ERGIC1: variants seen among roughly 807,000 people sequenced by gnomAD.
ERGIC1 encodes the protein endoplasmic reticulum-Golgi intermediate compartment protein 1.
Under a neutral mutation model 38.3 loss-of-function variants are expected in ERGIC1, and 19 were observed. That is an observed-to-expected ratio of 0.50 (90% CI 0.35 to 0.73). The LOEUF is 0.73. Among genes scored for constraint, ERGIC1 ranks in the 30% least tolerant of loss-of-function variants. ERGIC1 has a pLI of 0.01. For missense variants in ERGIC1, 294 were observed against 389.2 expected, an observed-to-expected ratio of 0.76 and a Z score of 2.06; for synonymous variants, 124 against 157.6, an observed-to-expected ratio of 0.79 and a Z score of 1.60.
At chr5:172,914,254 A>AAAAAAAAAAAAT (rs796565475) in intron 4 of ERGIC1, among the ~76,000 whole-genome samples, 38 of 131,216 alleles carry the variant, frequency 2.9e-4, no homozygotes, top group South Asian at 4.7e-4. Context: ...AAAAAAAAAA[A>AAAAAAAAAAAAT]AAATACAAAG....
intron 1 of ERGIC1, among the ~76,000 whole-genome samples, chr5:172,882,466 C>T (rs1177085286): frequency 6.6e-6 from 1 of 152,170 alleles, no homozygotes; most frequent in African/African-American, 2.4e-5. Flanking sequence ...GAGCTCTAAA[C>T]TGGTGATTCC....
rs1763694527 is a variant in ERGIC1, at chr5:172,927,990, A to G, written c.541+1421A>G. Among the ~76,000 whole-genome samples the G allele has an allele frequency of 1.3e-5, 2 of 152,098 alleles. 1 individual carries two copies. The highest frequency in any genetic ancestry group is 4.1e-4 in the South Asian group (2 of 4,826). ...GGTTCCCATTCATGCTGCCTCCAGC[A>G]ACGGATAAGTATACGGCAGCACCTC... On this transcript the variant is annotated intron_variant, in intron 7 of 9. Coordinates refer to ENST00000393784, the MANE Select transcript of ERGIC1 (RefSeq NM_001031711.3).
At chr5:172,887,229 C>T (rs1762444955) in intron 1 of ERGIC1, among the ~76,000 whole-genome samples, 1 of 152,176 alleles carries the variant, frequency 6.6e-6, no homozygotes. Flanking sequence ...GCCTGTCACC[C>T]CCAAGGGCTG....
Position 172,847,365 on chromosome 5 carries a change from A to G in ERGIC1, c.20+12932A>G, listed in dbSNP as rs144393774. Among the ~76,000 whole-genome samples the G allele has an allele frequency of 1.7e-3, 265 of 152,300 alleles. 3 individuals carry two copies. Among genetic ancestry groups the G allele is most frequent in the Non-Finnish European group, 2.7e-3 (187 of 68,020 alleles). Reference sequence around the variant, plus strand: ...ACAGTCTAGCAGTGTGCCCAGAGGAAGAGGAAAGAAAGTGCTTTCATGAGC... The same window carrying G: ...ACAGTCTAGCAGTGTGCCCAGAGGAGGAGGAAAGAAAGTGCTTTCATGAGC... On this transcript the variant is annotated intron_variant, in intron 1 of 9. Transcript: ENST00000393784.
chr5:172,900,074 C>G (rs1202462248), intron 3 of ERGIC1, among the ~76,000 whole-genome samples: 2 of 152,224 alleles, frequency 1.3e-5, no homozygotes, highest in African/African-American at 4.8e-5. Flanking sequence ...TTGCCTGCTG[C>G]TGACAGCGTG....
rs114537920 is a variant in ERGIC1, at chr5:172,863,994, G to C, written c.21-24705G>C. Among the ~76,000 whole-genome samples, 653 of 152,270 alleles carry C rather than the reference G, an allele frequency of 4.3e-3. 3 individuals are homozygous for C. The highest frequency in any genetic ancestry group is 0.015 in the African/African-American group (619 of 41,552). ...GCGGATCACTTGCGGTCAGGAGGTT[G>C]AGACTAGCGTGACCAACATGCTGAA... On this transcript the variant is annotated intron_variant, in intron 1 of 9. Coordinates refer to ENST00000393784, the MANE Select transcript of ERGIC1 (RefSeq NM_001031711.3).
intron 2 of ERGIC1, among the ~76,000 whole-genome samples, chr5:172,892,062 GTTTTTTTTTTTTTTT>G (rs573472747): frequency 1.1e-5 from 1 of 90,228 alleles, no homozygotes; most frequent in Admixed American, 1.2e-4. Context: ...TAAAGAGTAT[GTTTTTTTTTTTTTTT>G]TTTTTTTTTG....
At chr5:172,887,327 C>T (rs76645352) in intron 1 of ERGIC1, among the ~76,000 whole-genome samples, 7,122 of 152,266 alleles carry the variant, frequency 0.047, 506 homozygotes, top group African/African-American at 0.16. Flanking sequence ...TCAAACTCTG[C>T]TGTGGGAGAA....
chr5:172,840,437 G>A (rs997479326), intron 1 of ERGIC1, among the ~76,000 whole-genome samples: 2 of 152,144 alleles, frequency 1.3e-5, no homozygotes, highest in East Asian at 1.9e-4. Context: ...AGGCTTACCC[G>A]GTACATCTAA....
At chr5:172,887,946 G>C (rs950856821) in intron 1 of ERGIC1, among the ~76,000 whole-genome samples, 1 of 152,200 alleles carries the variant, frequency 6.6e-6, no homozygotes, top group Non-Finnish European at 1.5e-5. Context: ...GAGGTGACGT[G>C]GAGCAAGAAT....
chr5:172,871,564 A>G (rs1289989947), intron 1 of ERGIC1, among the ~76,000 whole-genome samples: 3 of 152,222 alleles, frequency 2.0e-5, no homozygotes, highest in Admixed American at 6.5e-5. Context: ...CCACTAGGAG[A>G]TAATCTAGGT....
At chr5:172,871,551 C>T (rs1348134536) in intron 1 of ERGIC1, among the ~76,000 whole-genome samples, 1 of 152,260 alleles carries the variant, frequency 6.6e-6, no homozygotes, top group Non-Finnish European at 1.5e-5. Context: ...CTGTTGGTCT[C>T]TCCCACTAGG....
chr5:172,838,294 A>G (rs1456651349), intron 1 of ERGIC1, among the ~76,000 whole-genome samples: 4 of 152,188 alleles, frequency 2.6e-5, no homozygotes, highest in Non-Finnish European at 5.9e-5. Context: ...TTGAAAAAGT[A>G]TTAAGAATTT....
chr5:172,926,447 C>A lies in ERGIC1; in HGVS notation c.481-62C>A. ...GTGGTACCTGGCCATCCCCCACAAC[C>A]AGGGCCAGGCCTGGAGGTGGAGGTG... On this transcript the variant is annotated intron_variant, in intron 6 of 9. Coordinates refer to ENST00000393784, the MANE Select transcript of ERGIC1 (RefSeq NM_001031711.3). The surrounding 1 kb of genome is among the most constrained non-coding windows in gnomAD (Gnocchi z 5.2). The A allele has an allele frequency of 6.3e-7, 1 of 1,596,924 alleles. No individual in the cohort carries two copies. Among genetic ancestry groups the A allele is most frequent in the Non-Finnish European group, 8.6e-7 (1 of 1,165,172 alleles).
intron 3 of ERGIC1, among the ~76,000 whole-genome samples, chr5:172,907,395 T>C (rs971123872): frequency 2.6e-5 from 4 of 152,018 alleles, no homozygotes; most frequent in African/African-American, 9.7e-5. Context: ...CCACCTCTAC[T>C]AAAAATACAA....
At position 172,865,895 on chromosome 5, in the gene ERGIC1, C is replaced by A. The variant is rs185652258; in HGVS notation, c.21-22804C>A. Among the ~76,000 whole-genome samples the A allele has an allele frequency of 3.3e-5, 5 of 152,242 alleles. No individual in the cohort carries two copies. The East Asian group carries it at 9.6e-4, about 29-fold the overall frequency. ...ATAGAATCATATAGAATCACACCCA[C>A]CTCCCATCCTGAGAAGCAAACCTTA... On this transcript the variant is annotated intron_variant, in intron 1 of 9. Transcript: ENST00000393784.
rs78563154 is a variant in ERGIC1 at position 172,871,033 on chromosome 5, C to G, written c.21-17666C>G. ...AATTCACAGCTTTGAGGGGAAGACACCAATAGTATTAATGAGGCAGTGTGG... is the reference window on the plus strand; with the variant it reads ...AATTCACAGCTTTGAGGGGAAGACAGCAATAGTATTAATGAGGCAGTGTGG... On this transcript the variant is annotated intron_variant, in intron 1 of 9. Coordinates refer to ENST00000393784, the MANE Select transcript of ERGIC1 (RefSeq NM_001031711.3). 4.5e-3 allele frequency among the ~76,000 whole-genome samples: 691 copies of G among 152,344 alleles called. 2 individuals are homozygous for G. Among genetic ancestry groups the G allele is most frequent in the Non-Finnish European group, 7.5e-3 (513 of 68,030 alleles).
chr5:172,884,905 T>TA (rs1762380698), intron 1 of ERGIC1, among the ~76,000 whole-genome samples: 6 of 152,168 alleles, frequency 3.9e-5, no homozygotes, highest in Non-Finnish European at 8.8e-5. Flanking sequence ...TATAATACCA[T>TA]GTTTTCACCT....
chr5:172,943,494 A>T (rs1764055876), intron 9 of ERGIC1, among the ~76,000 whole-genome samples: 1 of 151,728 alleles, frequency 6.6e-6, no homozygotes, highest in Admixed American at 6.6e-5. Context: ...TTCATTATTT[A>T]TTTCCTCATG....
Sources: gnomAD v4.1 joint callset for allele counts (sites outside exome capture counted in the v4.1 genomes callset) on GRCh38, gnomAD v4.1.1 for gene constraint, Gnocchi (gnomAD v3.1) non-coding constraint, MANE v1.5 for transcripts, NCBI Gene and HGNC (gene_info 2026-07-23, HGNC 2026-07-21) for gene names.